Variants in AHI1 observed in about 807,000 individuals in gnomAD.
AHI1 encodes the protein jouberin.
In AHI1, 123 loss-of-function variants were observed where a neutral mutation model predicts 149.3. The observed-to-expected ratio is 0.82, with a 90% CI of 0.71 to 0.96. The LOEUF (loss-of-function observed/expected upper bound fraction) is 0.96, where lower values mean the gene tolerates loss of function less well. AHI1 is among the 40% of genes least tolerant of loss of function. AHI1 has a pLI of 0.00. For missense variants in AHI1, 1,439 were observed against 1,422.7 expected (o/e 1.01, Z -0.18); for synonymous variants, 475 against 459.8 (o/e 1.03, Z -0.42).
intron 21 of AHI1, among the ~76,000 whole-genome samples, chr6:135,407,654 A>G (rs978000364): frequency 6.6e-6 from 1 of 152,220 alleles, no homozygotes; most frequent in Non-Finnish European, 1.5e-5. Flanking sequence ...GTAATAATTC[A>G]AAGTAAATTT....
intron 24 of AHI1, among the ~76,000 whole-genome samples, chr6:135,330,790 C>A (rs1019495768): frequency 6.6e-6 from 1 of 152,196 alleles, no homozygotes; most frequent in African/African-American, 2.4e-5. Context: ...TGTATTTCAG[C>A]GTTTTTATCC....
intron 22 of AHI1, among the ~76,000 whole-genome samples, chr6:135,402,290 C>T (rs1023274325): frequency 6.6e-6 from 1 of 152,078 alleles, no homozygotes; most frequent in Non-Finnish European, 1.5e-5. Flanking sequence ...ACATAGTTAC[C>T]ATATTACCCA....
At chr6:135,315,128 C>G (rs1785751650) in intron 26 of AHI1, among the ~76,000 whole-genome samples, 1 of 152,150 alleles carries the variant, frequency 6.6e-6, no homozygotes, top group South Asian at 2.1e-4. Flanking sequence ...TTCATCCTAA[C>G]TCTTGCTATC....
chr6:135,452,719 C>T (rs1044142991), intron 11 of AHI1, among the ~76,000 whole-genome samples: 2 of 152,090 alleles, frequency 1.3e-5, no homozygotes, highest in Admixed American at 1.3e-4. Flanking sequence ...CACCATTCTT[C>T]TCCCCTTAGT....
At chr6:135,333,625 T>C (rs941644090) in intron 24 of AHI1, among the ~76,000 whole-genome samples, 8 of 152,222 alleles carry the variant, frequency 5.3e-5, no homozygotes, top group African/African-American at 7.2e-5. Flanking sequence ...AATGCAACGA[T>C]AAGTGAAACT....
At chr6:135,424,655 AACATATGTTT>A (rs2128000494) in intron 20 of AHI1, among the ~76,000 whole-genome samples, 1 of 152,120 alleles carries the variant, frequency 6.6e-6, no homozygotes, top group East Asian at 1.9e-4. Context: ...CCACAACCTG[AACATATGTTT>A]ACCAGGGAAA....
rs1474423922 is a variant in AHI1 at position 135,327,674 on chromosome 6, G to A, written c.3166-4350C>T. Among the ~76,000 whole-genome samples, 22 of 152,190 alleles carry A rather than the reference G, an allele frequency of 1.4e-4. No individual in the cohort carries two copies. In the South Asian group the frequency reaches 4.4e-3, roughly 30 times the overall value. ...TCTCCTTTTACCTGCCCCAAGGTAG[G>A]GCTCTAATCACCACCCCCTACCTTT... On this transcript the variant is annotated intron_variant, in intron 24 of 28. Coordinates refer to ENST00000265602, the MANE Select transcript of AHI1 (RefSeq NM_001134831.2).
intron 22 of AHI1, among the ~76,000 whole-genome samples, chr6:135,395,554 CACA>C (rs1304299964): frequency 6.6e-6 from 1 of 151,832 alleles, no homozygotes; most frequent in Admixed American, 6.6e-5. Flanking sequence ...GCATAATAAA[CACA>C]ACATTTTAAC....
intron 25 of AHI1, among the ~76,000 whole-genome samples, chr6:135,319,030 G>A (rs1167664743): frequency 1.3e-5 from 2 of 152,156 alleles, no homozygotes; most frequent in Non-Finnish European, 1.5e-5. Context: ...AGAAAGACAT[G>A]TTTACAAGTA....
At chr6:135,360,063 C>A (rs1793616209) in intron 23 of AHI1, among the ~76,000 whole-genome samples, 1 of 151,884 alleles carries the variant, frequency 6.6e-6, no homozygotes, top group African/African-American at 2.4e-5. Flanking sequence ...TTTGTTCAAG[C>A]TTGCAGTAAA....
intron 8 of AHI1, among the ~76,000 whole-genome samples, chr6:135,460,688 A>G (rs1789732052): frequency 6.6e-6 from 1 of 152,226 alleles, no homozygotes; most frequent in African/African-American, 2.4e-5. Context: ...AAGACCTATT[A>G]AAAAGCTACA....
intron 27 of AHI1, among the ~76,000 whole-genome samples, chr6:135,296,096 C>A (rs1163538145): frequency 1.3e-5 from 2 of 152,192 alleles, no homozygotes; most frequent in Non-Finnish European, 2.9e-5. Context: ...CTCAGATGAT[C>A]CGTTTGCCTC....
chr6:135,363,290 C>G (rs1794212499), intron 23 of AHI1, among the ~76,000 whole-genome samples: 1 of 150,890 alleles, frequency 6.6e-6, no homozygotes, highest in Non-Finnish European at 1.5e-5. Flanking sequence ...TTTAACAAAG[C>G]ACATCTTGCA....
At chr6:135,330,960 T>A (rs1303782865) in intron 24 of AHI1, among the ~76,000 whole-genome samples, 2 of 152,242 alleles carry the variant, frequency 1.3e-5, no homozygotes, top group East Asian at 3.8e-4. Flanking sequence ...TATTTTATAA[T>A]AAATTAAAGT....
At chr6:135,397,920 T>C (rs1382944495) in intron 22 of AHI1, among the ~76,000 whole-genome samples, 3 of 152,108 alleles carry the variant, frequency 2.0e-5, no homozygotes, top group Non-Finnish European at 2.9e-5. Flanking sequence ...GTCTGTATAC[T>C]TAAAAGTTCA....
In AHI1 at chr6:135,318,513, A is replaced by T. The variant is rs1267329906; in HGVS notation, c.3426+6T>A. ...ATATGTAATACGTATGCTCAAAAACATTTACCTTTTGAGGAGCTGGAGATT... is the reference window on the plus strand; with the variant it reads ...ATATGTAATACGTATGCTCAAAAACTTTTACCTTTTGAGGAGCTGGAGATT... On this transcript the variant is annotated splice_donor_region_variant and intron_variant, in intron 26 of 28. Coordinates refer to ENST00000265602, the MANE Select transcript of AHI1 (RefSeq NM_001134831.2). The T allele has an allele frequency of 9.0e-6, 14 of 1,558,532 alleles. No homozygotes were observed. Among genetic ancestry groups the T allele is most frequent in the Non-Finnish European group, 1.1e-5 (12 of 1,142,814 alleles).
chr6:135,318,411 A>G (rs1786294818), intron 26 of AHI1, 108 bp downstream of exon 26: 1 of 771,926 alleles, frequency 1.3e-6, no homozygotes, highest in Admixed American at 2.5e-5. Flanking sequence ...GACATAAAAA[A>G]TAATGTGAAC....
chr6:135,481,958 T>C (rs960588309), intron 5 of AHI1, among the ~76,000 whole-genome samples: 4 of 151,918 alleles, frequency 2.6e-5, no homozygotes, highest in African/African-American at 9.7e-5. Context: ...GCTGTCATTA[T>C]TCTCCTATAT....
intron 11 of AHI1, among the ~76,000 whole-genome samples, chr6:135,452,362 C>T (rs1788255311): frequency 6.6e-6 from 1 of 152,172 alleles, no homozygotes; most frequent in Non-Finnish European, 1.5e-5. Context: ...CTTTTTTAAA[C>T]ATCAATCTAC....
Sources: gnomAD v4.1 joint callset for allele counts (sites outside exome capture counted in the v4.1 genomes callset) on GRCh38, gnomAD v4.1.1 for gene constraint, MANE v1.5 for transcripts, NCBI Gene and HGNC (gene_info 2026-07-23, HGNC 2026-07-21) for gene names.